The following TMEM131 variants were observed in gnomAD, a reference collection of about 807,000 sequenced individuals.
TMEM131 encodes the protein 2610524E03Rik.
A neutral mutation model predicts 211.6 loss-of-function variants in TMEM131; 66 were observed. The ratio of observed to expected loss-of-function variants is 0.31; its 90% CI spans 0.26 to 0.38. The LOEUF is 0.38. TMEM131 is among the 10% of genes least tolerant of loss of function. The pLI, the probability that TMEM131 is intolerant of heterozygous loss-of-function variation, is 1.00. For missense variants in TMEM131, 2,036 were observed against 2,299.3 expected (o/e 0.89, Z 2.34); for synonymous variants, 844 against 841.3 (o/e 1.00, Z -0.06).
chr2:97,857,110 A>C (rs1178114793), intron 5 of TMEM131, among the ~76,000 whole-genome samples: 1 of 152,248 alleles, frequency 6.6e-6, no homozygotes, highest in Non-Finnish European at 1.5e-5. Context: ...TCAAGTTAGT[A>C]GCCTTTAGCC....
intron 36 of TMEM131, 47 bp from the exon 37 acceptor site, chr2:97,760,961 C>T (rs1392721723): frequency 6.2e-7 from 1 of 1,607,508 alleles, no homozygotes; most frequent in Non-Finnish European, 8.5e-7. Flanking sequence ...CAGCAGTGCC[C>T]TGTCTCGGGG....
chr2:97,923,665 G>A lies in TMEM131; in HGVS notation c.249+3761C>T, dbSNP rs549096430. Among the ~76,000 whole-genome samples, 91 of 137,994 alleles carry A rather than the reference G, an allele frequency of 6.6e-4. 1 individual carries two copies. Among genetic ancestry groups the A allele is most frequent in the African/African-American group, 2.4e-3 (88 of 36,542 alleles). 90.5% of individuals were successfully genotyped at this position (137,994 alleles called of 152,430 possible). On this transcript the variant is annotated intron_variant, in intron 2 of 40. Transcript: ENST00000186436. ...AAAAAAAAAAAAAAGACAAAATTCT[G>A]TTTGTGTTTTCAACTCACAAACATT...
In TMEM131 at chr2:97,822,871, T is replaced by C. The variant is rs183327642; in HGVS notation, c.1075-4150A>G. Among the ~76,000 whole-genome samples the C allele has an allele frequency of 6.5e-4, 99 of 152,236 alleles. 1 individual carries two copies. The highest frequency in any genetic ancestry group is 1.8e-3 in the African/African-American group (75 of 41,522). On this transcript the variant is annotated intron_variant, in intron 11 of 40. Coordinates refer to ENST00000186436, the MANE Select transcript of TMEM131 (RefSeq NM_015348.2). The stretch of plus-strand genomic sequence containing the variant: ...CACCCTTGAAATGCATCCTAAGCCA[T>C]TGGGACCAATTTGACCCATAAACCC...
chr2:97,861,824 C>T (rs769646077), intron 4 of TMEM131, among the ~76,000 whole-genome samples: 9 of 152,176 alleles, frequency 5.9e-5, no homozygotes, highest in Non-Finnish European at 8.8e-5. Flanking sequence ...GAGAAGGACA[C>T]AAACCTGGCT....
chr2:97,838,893 G>A (rs561221676), intron 7 of TMEM131, among the ~76,000 whole-genome samples: 1 of 152,282 alleles, frequency 6.6e-6, no homozygotes, highest in South Asian at 2.1e-4. Flanking sequence ...CTCATCTATA[G>A]TGCTTATTGT....
rs765631945 is a variant in TMEM131 at position 97,814,401 on chromosome 2, A to C, written c.1293-13T>G. 5.7e-6 allele frequency: 9 copies of C among 1,569,612 alleles called. No homozygotes were observed. In the South Asian group the frequency reaches 9.5e-5, roughly 17 times the overall value. ...AAATCCCAAATAACTATTAAAAAAA[A>C]CAACAAGAACAAAATAAATCATTTT... is the stretch of plus-strand genomic sequence containing the variant. On this transcript the variant is annotated splice_polypyrimidine_tract_variant and intron_variant, in intron 13 of 40. Coordinates refer to ENST00000186436, the MANE Select transcript of TMEM131 (RefSeq NM_015348.2).
intron 1 of TMEM131, among the ~76,000 whole-genome samples, chr2:97,950,356 A>C (rs562178796): frequency 6.6e-6 from 1 of 152,350 alleles, no homozygotes; most frequent in East Asian, 1.9e-4. Context: ...ACTGATTATA[A>C]GCTATGTTTC....
At chr2:97,911,496 G>T in intron 2 of TMEM131, 1 of 234,186 alleles carries the variant, frequency 4.3e-6, no homozygotes, top group Non-Finnish European at 7.0e-6. Flanking sequence ...AGAAGCTATG[G>T]TCTCACATGA....
rs1045152665 is a variant in TMEM131 at position 97,846,344 on chromosome 2, C to G, written c.484-2083G>C. ...GCAAGATATAAAACGGGCAACACAT[C>G]ATGAGCAAGTAGTTTTTAACCTAGA... On this transcript the variant is annotated intron_variant, in intron 5 of 40. Coordinates refer to ENST00000186436, the MANE Select transcript of TMEM131 (RefSeq NM_015348.2). Among the ~76,000 whole-genome samples the G allele has an allele frequency of 4.6e-5, 7 of 152,338 alleles. No homozygotes were observed. The East Asian group carries it at 1.2e-3, about 25-fold the overall frequency.
intron 1 of TMEM131, among the ~76,000 whole-genome samples, chr2:97,990,338 T>G (rs1207279125): frequency 6.6e-6 from 1 of 152,218 alleles, no homozygotes; most frequent in Non-Finnish European, 1.5e-5. Flanking sequence ...AAGTACATTT[T>G]ACTTGAATAC....
chr2:97,978,608 C>A (rs752695662), intron 1 of TMEM131, among the ~76,000 whole-genome samples: 2 of 152,144 alleles, frequency 1.3e-5, no homozygotes, highest in African/African-American at 4.8e-5. Context: ...GGTCCTTGAA[C>A]TCCTGGGCTC....
chr2:97,824,666 C>A (rs1391376217), intron 11 of TMEM131, among the ~76,000 whole-genome samples: 1 of 152,192 alleles, frequency 6.6e-6, no homozygotes, highest in Non-Finnish European at 1.5e-5. Flanking sequence ...GAAGTCTCTG[C>A]ATTGGAAGGA....
At chr2:97,867,841 G>A (rs1674332998) in intron 4 of TMEM131, among the ~76,000 whole-genome samples, 2 of 152,170 alleles carry the variant, frequency 1.3e-5, no homozygotes, top group African/African-American at 4.8e-5. Flanking sequence ...AAGGAGCTGG[G>A]GCTTGAGGGG....
At chr2:97,958,901 C>T (rs1678688468) in intron 1 of TMEM131, among the ~76,000 whole-genome samples, 1 of 152,174 alleles carries the variant, frequency 6.6e-6, no homozygotes, top group Non-Finnish European at 1.5e-5. Context: ...AACCTCCCTC[C>T]AGCAGCAGTG....
At chr2:97,779,428 G>T (rs1286541178) in intron 31 of TMEM131, among the ~76,000 whole-genome samples, 1 of 152,220 alleles carries the variant, frequency 6.6e-6, no homozygotes, top group African/African-American at 2.4e-5. Flanking sequence ...GTGGGCTGAA[G>T]CAGTAAGCTG....
chr2:97,908,886 C>T (rs558571963), intron 2 of TMEM131, among the ~76,000 whole-genome samples, 188 bp from the exon 3 acceptor site: 8 of 152,164 alleles, frequency 5.3e-5, no homozygotes, highest in Non-Finnish European at 1.0e-4. Flanking sequence ...CATGAAGTAA[C>T]AGAAAGTAAT....
intron 2 of TMEM131, among the ~76,000 whole-genome samples, chr2:97,920,699 T>C (rs1275553942): frequency 6.6e-6 from 1 of 152,174 alleles, no homozygotes; most frequent in Middle Eastern, 3.2e-3. Context: ...GCATCAGCAA[T>C]ATGCTTCAAC....
intron 1 of TMEM131, among the ~76,000 whole-genome samples, chr2:97,963,154 G>T (rs1031011118): frequency 3.3e-5 from 5 of 152,268 alleles, no homozygotes; most frequent in Admixed American, 2.0e-4. Flanking sequence ...ATTACTGTAT[G>T]CAAATTATAC....
chr2:97,783,862 ACGTACTT>A (rs1321589254), intron 31 of TMEM131, among the ~76,000 whole-genome samples: 1 of 152,072 alleles, frequency 6.6e-6, no homozygotes, highest in Admixed American at 6.5e-5. Context: ...TCTATAAGAA[ACGTACTT>A]CAAATACAAT....
Sources: gnomAD v4.1 joint callset for allele counts (sites outside exome capture counted in the v4.1 genomes callset) on GRCh38, gnomAD v4.1.1 for gene constraint, MANE v1.5 for transcripts, NCBI Gene and HGNC (gene_info 2026-07-23, HGNC 2026-07-21) for gene names.